Variants in RBFOX1 observed in about 807,000 individuals in gnomAD.
RBFOX1 encodes the protein RNA binding protein fox-1 homolog 1.
RBFOX1 carries 8 observed loss-of-function variants against 57.7 expected under a neutral mutation model. The observed-to-expected ratio is 0.14, with a 90% CI of 0.08 to 0.25. RBFOX1 has a LOEUF of 0.25. Among genes scored for constraint, RBFOX1 ranks in the 10% least tolerant of loss-of-function variants. RBFOX1 has a pLI of 1.00. For missense variants in RBFOX1, 611 were observed against 548.5 expected (o/e 1.11, Z -1.14); for synonymous variants, 326 against 222.4 (o/e 1.47, Z -4.15).
chr16:7,222,129 A>T (rs750676289), intron 4 of RBFOX1, among the ~76,000 whole-genome samples: 25 of 152,166 alleles, frequency 1.6e-4, no homozygotes, highest in Non-Finnish European at 2.9e-4. Context: ...GATTTCAGCT[A>T]AAAAAAGATT....
rs151071558 is a variant in RBFOX1 at position 6,487,009 on chromosome 16, TGTTTG to T, written c.-63-167587_-63-167583del. Among the ~76,000 whole-genome samples the T allele has an allele frequency of 8.4e-3, 1,279 of 152,180 alleles. 19 individuals are homozygous for T. Among genetic ancestry groups the T allele is most frequent in the African/African-American group, 0.029 (1,205 of 41,520 alleles). Reference sequence around the variant, plus strand: ...TTAAAAGTCAGCATTTAATATACAGTGTTTGGTTTGGAAACCATCGCATATTAAAT... The same window carrying T: ...TTAAAAGTCAGCATTTAATATACAGTGTTTGGAAACCATCGCATATTAAAT... On this transcript the variant is annotated intron_variant, in intron 2 of 15. Coordinates refer to ENST00000550418, the MANE Select transcript of RBFOX1 (RefSeq NM_018723.4).
At chr16:6,072,466 C>T (rs933921384) in intron 1 of RBFOX1, among the ~76,000 whole-genome samples, 72 of 152,072 alleles carry the variant, frequency 4.7e-4, no homozygotes, top group Non-Finnish European at 5.6e-4. Context: ...TATATGTACC[C>T]AGAAGTCGGA....
At chr16:7,004,597 A>C (rs1183237152) in intron 3 of RBFOX1, among the ~76,000 whole-genome samples, 1 of 152,210 alleles carries the variant, frequency 6.6e-6, no homozygotes, top group Non-Finnish European at 1.5e-5. Flanking sequence ...ATTTCTATTT[A>C]ATGGCTTTAA....
chr16:7,087,387 T>C (rs1258955500), intron 4 of RBFOX1, among the ~76,000 whole-genome samples: 1 of 152,174 alleles, frequency 6.6e-6, no homozygotes, highest in Non-Finnish European at 1.5e-5. Flanking sequence ...ATCAACACCA[T>C]CGCTAGTATT....
At chr16:7,106,984 A>AAAAACACAC (rs529197707) in intron 4 of RBFOX1, among the ~76,000 whole-genome samples, 128 of 148,634 alleles carry the variant, frequency 8.6e-4, no homozygotes, top group South Asian at 2.4e-3. Context: ...ACACAGTTAA[A>AAAAACACAC]ACACACACAC....
chr16:6,171,503 G>C (rs1004748239), intron 1 of RBFOX1, among the ~76,000 whole-genome samples: 1 of 152,170 alleles, frequency 6.6e-6, no homozygotes, highest in Non-Finnish European at 1.5e-5. Flanking sequence ...CCTGGAGTTT[G>C]GTGGGATATT....
At chr16:7,259,504 A>G (rs2094832243) in intron 4 of RBFOX1, among the ~76,000 whole-genome samples, 1 of 152,108 alleles carries the variant, frequency 6.6e-6, no homozygotes, top group East Asian at 1.9e-4. Context: ...TACTGCTTTG[A>G]ACACTGGGAA....
intron 3 of RBFOX1, among the ~76,000 whole-genome samples, chr16:5,784,004 G>C (rs2054412434): frequency 6.6e-6 from 1 of 152,122 alleles, no homozygotes; most frequent in African/African-American, 2.4e-5. Flanking sequence ...CCTGAGACTG[G>C]GTAATTTATA....
chr16:7,247,354 G>A (rs1259178447), intron 4 of RBFOX1, among the ~76,000 whole-genome samples: 2 of 152,146 alleles, frequency 1.3e-5, no homozygotes, highest in African/African-American at 2.4e-5. Flanking sequence ...CACAGCCAAC[G>A]GGTAGGAAAG....
chr16:6,940,853 G>GTA (rs2078291917), intron 3 of RBFOX1, among the ~76,000 whole-genome samples: 2 of 88,326 alleles, frequency 2.3e-5, no homozygotes, highest in African/African-American at 9.4e-5. Context: ...CGGCTAGTCT[G>GTA]TGTGTGTGTG....
chr16:5,521,426 C>T (rs1441425524), intron 2 of RBFOX1, among the ~76,000 whole-genome samples: 1 of 152,064 alleles, frequency 6.6e-6, no homozygotes, highest in Non-Finnish European at 1.5e-5. Flanking sequence ...TTTTAGGATC[C>T]CAAATCATTT....
chr16:7,134,617 C>T (rs1397674027), intron 4 of RBFOX1, among the ~76,000 whole-genome samples: 1 of 152,134 alleles, frequency 6.6e-6, no homozygotes, highest in Non-Finnish European at 1.5e-5. Flanking sequence ...CTTCACCCTG[C>T]CCACATCCAG....
At chr16:6,937,874 C>T (rs1200699511) in intron 3 of RBFOX1, among the ~76,000 whole-genome samples, 1 of 149,112 alleles carries the variant, frequency 6.7e-6, no homozygotes, top group Non-Finnish European at 1.5e-5. Flanking sequence ...TTCCTGAATT[C>T]CAAAAGGGAG....
chr16:7,294,117 C>G (rs1454066295), intron 4 of RBFOX1, among the ~76,000 whole-genome samples: 4 of 152,104 alleles, frequency 2.6e-5, no homozygotes, highest in Admixed American at 1.3e-4. Flanking sequence ...TGAGTTTAAT[C>G]CAGAAGTCGA....
intron 1 of RBFOX1, among the ~76,000 whole-genome samples, chr16:5,269,707 G>C (rs374514537): frequency 6.6e-6 from 1 of 152,290 alleles, no homozygotes; most frequent in African/African-American, 2.4e-5. Context: ...TTAGCTAAAG[G>C]GTATGAGGTT....
chr16:6,599,527 G>C (rs74536452), intron 2 of RBFOX1, among the ~76,000 whole-genome samples: 3,864 of 152,194 alleles, frequency 0.025, 178 homozygotes, highest in African/African-American at 0.088. Context: ...GAATCTAGTG[G>C]CTAGGAACTT....
chr16:5,712,304 A>C (rs2051519838), intron 3 of RBFOX1, among the ~76,000 whole-genome samples: 1 of 152,196 alleles, frequency 6.6e-6, no homozygotes, highest in Non-Finnish European at 1.5e-5. Flanking sequence ...GCAATACCTC[A>C]TTTAGTTTTC....
intron 3 of RBFOX1, among the ~76,000 whole-genome samples, chr16:5,691,831 G>C (rs1190831263): frequency 3.3e-5 from 5 of 152,116 alleles, no homozygotes; most frequent in African/African-American, 1.2e-4. Context: ...GTCTGAGACT[G>C]TCCCACAAAT....
intron 3 of RBFOX1, among the ~76,000 whole-genome samples, chr16:5,856,196 T>C (rs1408052723): frequency 7.7e-5 from 5 of 64,616 alleles, no homozygotes; most frequent in South Asian, 1.1e-3. Flanking sequence ...TCTATATATA[T>C]ATATATATAT....
Sources: gnomAD v4.1 joint callset for allele counts (sites outside exome capture counted in the v4.1 genomes callset) on GRCh38, gnomAD v4.1.1 for gene constraint, MANE v1.5 for transcripts, NCBI Gene and HGNC (gene_info 2026-07-23, HGNC 2026-07-21) for gene names.